The following ROBO2 variants were observed in gnomAD, a reference collection of about 807,000 sequenced individuals.
The protein encoded by ROBO2 is roundabout homolog 2.
A neutral mutation model predicts 160.8 loss-of-function variants in ROBO2; 53 were observed. The ratio of observed to expected loss-of-function variants is 0.33; its 90% confidence interval spans 0.26 to 0.41. The LOEUF is 0.41. Ranked by LOEUF, ROBO2 falls within the 10% of genes least tolerant of loss-of-function variation. The pLI is 1.00. For missense variants in ROBO2, 1,577 were observed against 1,722.4 expected (o/e 0.92, Z 1.49); for synonymous variants, 664 against 611.7 (o/e 1.09, Z -1.26).
At chr3:76,077,582 T>C (rs937865447) in intron 2 of ROBO2, among the ~76,000 whole-genome samples, 1 of 151,836 alleles carries the variant, frequency 6.6e-6, no homozygotes. Context: ...TTAACAATAA[T>C]AATAATAATA....
intron 2 of ROBO2, among the ~76,000 whole-genome samples, chr3:77,467,071 G>A (rs544894482): frequency 2.0e-5 from 3 of 152,136 alleles, no homozygotes; most frequent in Non-Finnish European, 2.9e-5. Flanking sequence ...TAAGGTGGGA[G>A]GAGAGAGGCG....
chr3:77,596,204 C>T (rs899817386), intron 18 of ROBO2, among the ~76,000 whole-genome samples: 1 of 152,134 alleles, frequency 6.6e-6, no homozygotes, highest in Admixed American at 6.5e-5. Flanking sequence ...ACAAGGGTTA[C>T]AGCCTAGAGG....
chr3:76,984,503 C>A (rs775907879), intron 2 of ROBO2, among the ~76,000 whole-genome samples: 5 of 152,162 alleles, frequency 3.3e-5, no homozygotes, highest in Admixed American at 6.5e-5. Context: ...GGTATCCACA[C>A]TCTACCACAC....
intron 2 of ROBO2, among the ~76,000 whole-genome samples, chr3:76,351,076 ACAT>A (rs1326652820): frequency 6.6e-6 from 1 of 151,932 alleles, no homozygotes; most frequent in Non-Finnish European, 1.5e-5. Flanking sequence ...TTTTTACTAA[ACAT>A]CATGTTCAAG....
chr3:77,324,967 A>C (rs1471595856), intron 2 of ROBO2, among the ~76,000 whole-genome samples: 1 of 152,182 alleles, frequency 6.6e-6, no homozygotes, highest in African/African-American at 2.4e-5. Flanking sequence ...AAGATGCTGT[A>C]GGTAGGAATG....
intron 2 of ROBO2, among the ~76,000 whole-genome samples, chr3:76,216,717 T>G (rs1390819772): frequency 6.6e-6 from 1 of 152,046 alleles, no homozygotes; most frequent in Non-Finnish European, 1.5e-5. Flanking sequence ...AATGGGAGAC[T>G]TTAACACCCC....
intron 2 of ROBO2, among the ~76,000 whole-genome samples, chr3:76,039,102 T>A (rs1166047172): frequency 2.0e-5 from 3 of 151,912 alleles, no homozygotes; most frequent in Admixed American, 2.0e-4. Context: ...CGTAATTGAC[T>A]TTGAAATGTT....
At chr3:76,772,775 G>A (rs2061994276) in intron 2 of ROBO2, among the ~76,000 whole-genome samples, 1 of 150,762 alleles carries the variant, frequency 6.6e-6, no homozygotes, top group Admixed American at 6.6e-5. Context: ...CAGTTCCAGA[G>A]GATTCAATAG....
chr3:76,282,094 T>C (rs931089867), intron 2 of ROBO2, among the ~76,000 whole-genome samples: 2 of 151,996 alleles, frequency 1.3e-5, no homozygotes, highest in African/African-American at 4.8e-5. Flanking sequence ...GTAAGATGAG[T>C]ATTATAAAAT....
intron 2 of ROBO2, among the ~76,000 whole-genome samples, chr3:76,853,495 T>A (rs1453959173): frequency 6.6e-6 from 1 of 152,134 alleles, no homozygotes; most frequent in Non-Finnish European, 1.5e-5. Context: ...TTTGGATCCA[T>A]GGATAGCCTT....
intron 2 of ROBO2, among the ~76,000 whole-genome samples, chr3:76,017,864 T>C (rs572619014): frequency 5.3e-4 from 81 of 152,240 alleles, no homozygotes; most frequent in Non-Finnish European, 8.7e-4. Flanking sequence ...CCCTGAATAC[T>C]TCTCCACTCT....
chr3:76,707,760 T>TAA (rs1553876492), intron 2 of ROBO2, among the ~76,000 whole-genome samples: 14 of 134,380 alleles, frequency 1.0e-4, no homozygotes, highest in African/African-American at 3.7e-4. Context: ...TATATATATA[T>TAA]AAATCTTAAA....
At chr3:77,369,449 T>A (rs938460608) in intron 2 of ROBO2, among the ~76,000 whole-genome samples, 4 of 152,174 alleles carry the variant, frequency 2.6e-5, no homozygotes, top group Non-Finnish European at 4.4e-5. Context: ...GACAGTCTCT[T>A]GGAAACCAAG....
chr3:76,453,878 A>G (rs1046557047), intron 2 of ROBO2, among the ~76,000 whole-genome samples: 1 of 152,148 alleles, frequency 6.6e-6, no homozygotes, highest in Non-Finnish European at 1.5e-5. Context: ...AACAGAATGA[A>G]TGTATGAATT....
intron 2 of ROBO2, among the ~76,000 whole-genome samples, chr3:76,929,087 C>A (rs2077170817): frequency 6.6e-6 from 1 of 152,046 alleles, no homozygotes; most frequent in Non-Finnish European, 1.5e-5. Context: ...TGGTGAAACC[C>A]CATCTGTACT....
intron 2 of ROBO2, among the ~76,000 whole-genome samples, chr3:76,598,676 G>C (rs1362034310): frequency 6.6e-6 from 1 of 152,060 alleles, no homozygotes; most frequent in Non-Finnish European, 1.5e-5. Flanking sequence ...ATTTTTTAAA[G>C]TAAATGGTGA....
chr3:76,314,003 A>G (rs2071789045), intron 2 of ROBO2, among the ~76,000 whole-genome samples: 1 of 152,180 alleles, frequency 6.6e-6, no homozygotes, highest in African/African-American at 2.4e-5. Flanking sequence ...ATGACGGGAA[A>G]CTGACTTGTC....
chr3:76,238,334 C>T (rs764482465), intron 2 of ROBO2, among the ~76,000 whole-genome samples: 6 of 152,118 alleles, frequency 3.9e-5, no homozygotes, highest in Non-Finnish European at 5.9e-5. Context: ...GACTTCTTCA[C>T]GTGGTAGCAG....
intron 2 of ROBO2, among the ~76,000 whole-genome samples, chr3:77,235,055 C>G (rs995817455): frequency 6.6e-6 from 1 of 152,118 alleles, no homozygotes; most frequent in Non-Finnish European, 1.5e-5. Flanking sequence ...ATAGCACAAT[C>G]ATACAAAATG....
Sources: allele counts gnomAD v4.1 joint callset (sites outside exome capture counted in the v4.1 genomes callset), GRCh38; gene constraint gnomAD v4.1.1; transcripts MANE v1.5; gene names NCBI Gene and HGNC (gene_info 2026-07-23, HGNC 2026-07-21).